EXOC6B: variants seen among roughly 807,000 people sequenced by gnomAD.
EXOC6B encodes the protein SEC15 homolog B.
In EXOC6B, 54 loss-of-function variants were observed where a neutral mutation model predicts 113.5. The observed-to-expected ratio is 0.48, with a 90% CI of 0.38 to 0.60. EXOC6B has a LOEUF of 0.60. EXOC6B is among the 20% of genes least tolerant of loss of function. The pLI is 0.00. For missense variants in EXOC6B, 797 were observed against 977.5 expected, an observed-to-expected ratio of 0.82 and a Z score of 2.46; for synonymous variants, 357 against 339.0, an observed-to-expected ratio of 1.05 and a Z score of -0.58.
chr2:72,400,567 C>T (rs533083757), intron 18 of EXOC6B, among the ~76,000 whole-genome samples: 4 of 150,954 alleles, frequency 2.6e-5, no homozygotes, highest in African/African-American at 9.7e-5. Flanking sequence ...TATCCAGAAG[C>T]TATAAGAAAG....
At chr2:72,800,428 T>TA (rs1429447022) in intron 1 of EXOC6B, among the ~76,000 whole-genome samples, 1 of 152,140 alleles carries the variant, frequency 6.6e-6, no homozygotes, top group Non-Finnish European at 1.5e-5. Context: ...CTGCCTGTCA[T>TA]AAAAAAATCA....
intron 20 of EXOC6B, among the ~76,000 whole-genome samples, chr2:72,206,367 T>C (rs1173231635): frequency 1.3e-5 from 2 of 152,190 alleles, no homozygotes; most frequent in Non-Finnish European, 2.9e-5. Flanking sequence ...CCTCCTCCTT[T>C]TCCCACCATC....
chr2:72,812,300 A>C (rs1050947495), intron 1 of EXOC6B, among the ~76,000 whole-genome samples: 4 of 152,236 alleles, frequency 2.6e-5, no homozygotes, highest in African/African-American at 9.6e-5. Flanking sequence ...AAAAAAGAAA[A>C]TGAATTACTT....
chr2:72,187,016 G>T (rs1478873803), intron 20 of EXOC6B, among the ~76,000 whole-genome samples: 8 of 152,182 alleles, frequency 5.3e-5, no homozygotes, highest in Non-Finnish European at 1.2e-4. Flanking sequence ...GCAGCAAGGG[G>T]TGTGTGTGAG....
chr2:72,455,402 A>G (rs1697165419), intron 18 of EXOC6B, among the ~76,000 whole-genome samples: 1 of 152,222 alleles, frequency 6.6e-6, no homozygotes, highest in African/African-American at 2.4e-5. Flanking sequence ...TCTGGTCACC[A>G]TGACCAAAAT....
intron 18 of EXOC6B, among the ~76,000 whole-genome samples, chr2:72,414,458 A>T (rs1367459322): frequency 2.0e-5 from 3 of 152,172 alleles, no homozygotes; most frequent in Non-Finnish European, 2.9e-5. Flanking sequence ...ACGGAAAAAA[A>T]AATTAGTTTC....
At chr2:72,818,450 C>T (rs1261194871) in intron 1 of EXOC6B, among the ~76,000 whole-genome samples, 1 of 151,752 alleles carries the variant, frequency 6.6e-6, no homozygotes, top group Non-Finnish European at 1.5e-5. Flanking sequence ...CGTGAGCCAC[C>T]GTGCCAGGCC....
At chr2:72,550,904 A>T (rs1703175108) in intron 8 of EXOC6B, among the ~76,000 whole-genome samples, 2 of 149,644 alleles carry the variant, frequency 1.3e-5, no homozygotes, top group African/African-American at 4.9e-5. Flanking sequence ...GATAACTGCC[A>T]TTTATTTTTT....
chr2:72,233,273 T>C (rs1681745469), intron 20 of EXOC6B, among the ~76,000 whole-genome samples: 1 of 151,900 alleles, frequency 6.6e-6, no homozygotes, highest in African/African-American at 2.4e-5. Flanking sequence ...CAGTGCACCA[T>C]GTGATGGAGA....
chr2:72,378,673 A>G (rs538561578), intron 19 of EXOC6B, among the ~76,000 whole-genome samples: 44 of 152,344 alleles, frequency 2.9e-4, no homozygotes, highest in Admixed American at 2.3e-3. Flanking sequence ...TCCATACATC[A>G]AAAGTCAACC....
At chr2:72,536,612 C>T (rs1702305610) in intron 8 of EXOC6B, among the ~76,000 whole-genome samples, 1 of 152,102 alleles carries the variant, frequency 6.6e-6, no homozygotes, top group African/African-American at 2.4e-5. Context: ...CAATTAATTG[C>T]CTCTCCTCTT....
At chr2:72,433,589 TG>T (rs1380188204) in intron 18 of EXOC6B, among the ~76,000 whole-genome samples, 4 of 152,190 alleles carry the variant, frequency 2.6e-5, no homozygotes, top group Non-Finnish European at 4.4e-5. Flanking sequence ...CCTTGAGCAG[TG>T]GTTTGTAGTT....
chr2:72,344,725 T>C (rs1689223618), intron 19 of EXOC6B, among the ~76,000 whole-genome samples: 1 of 152,046 alleles, frequency 6.6e-6, no homozygotes, highest in African/African-American at 2.4e-5. Flanking sequence ...ACCTCTACGG[T>C]TAGTTTCTAA....
chr2:72,469,794 A>G (rs1452822100), intron 17 of EXOC6B, among the ~76,000 whole-genome samples: 1 of 152,064 alleles, frequency 6.6e-6, no homozygotes, highest in Non-Finnish European at 1.5e-5. Flanking sequence ...TCAACTATAT[A>G]TATACACTGA....
chr2:72,750,101 T>C (rs1445630313), intron 1 of EXOC6B, among the ~76,000 whole-genome samples: 3 of 151,680 alleles, frequency 2.0e-5, no homozygotes, highest in Non-Finnish European at 4.4e-5. Context: ...TTTCTAATTT[T>C]CTGAGAAAGA....
intron 6 of EXOC6B, among the ~76,000 whole-genome samples, chr2:72,597,482 A>T (rs1361883851): frequency 6.6e-6 from 1 of 151,942 alleles, no homozygotes; most frequent in Non-Finnish European, 1.5e-5. Flanking sequence ...TCTATAAAAT[A>T]CTCAATTAAA....
intron 18 of EXOC6B, among the ~76,000 whole-genome samples, chr2:72,435,721 T>A (rs1236529486): frequency 6.9e-6 from 1 of 145,442 alleles, no homozygotes; most frequent in Admixed American, 6.7e-5. Flanking sequence ...CTGCTTTTTT[T>A]TTGTTTTTTT....
At chr2:72,513,854 T>G (rs948570435) in intron 10 of EXOC6B, among the ~76,000 whole-genome samples, 3 of 152,084 alleles carry the variant, frequency 2.0e-5, no homozygotes, top group African/African-American at 4.8e-5. Flanking sequence ...TGCCTAAATA[T>G]TCATATTAAT....
chr2:72,181,949 T>A (rs1229827408), intron 21 of EXOC6B, among the ~76,000 whole-genome samples: 1 of 152,222 alleles, frequency 6.6e-6, no homozygotes, highest in East Asian at 1.9e-4. Flanking sequence ...GGGCCACTTC[T>A]TTTCCCTCAA....
Sources: gnomAD v4.1 joint callset for allele counts (sites outside exome capture counted in the v4.1 genomes callset) on GRCh38, gnomAD v4.1.1 for gene constraint, MANE v1.5 for transcripts, NCBI Gene and HGNC (gene_info 2026-07-23, HGNC 2026-07-21) for gene names.